NRG3: variants seen among roughly 807,000 people sequenced by gnomAD.
NRG3 encodes the protein pro-neuregulin-3, membrane-bound isoform.
NRG3 carries 31 observed loss-of-function variants against 66.9 expected under a neutral mutation model. That is an observed-to-expected ratio of 0.46 (90% CI 0.35 to 0.63). NRG3 has a LOEUF of 0.63. Among genes scored for constraint, NRG3 ranks in the 20% least tolerant of loss-of-function variants. NRG3 has a pLI of 0.00. For missense variants in NRG3, 910 were observed against 878.9 expected (o/e 1.04, Z -0.45); for synonymous variants, 393 against 359.4 (o/e 1.09, Z -1.06).
chr10:82,102,583 A>G (rs1390860822), intron 1 of NRG3, among the ~76,000 whole-genome samples: 3 of 151,504 alleles, frequency 2.0e-5, no homozygotes, highest in Admixed American at 2.0e-4. Flanking sequence ...TTTTATCATG[A>G]TATTTTAATT....
At chr10:82,132,343 G>T (rs2068887916) in intron 1 of NRG3, among the ~76,000 whole-genome samples, 1 of 149,840 alleles carries the variant, frequency 6.7e-6, no homozygotes, top group African/African-American at 2.4e-5. Context: ...CGTGTTGATT[G>T]ATTTGCATAT....
intron 3 of NRG3, among the ~76,000 whole-genome samples, chr10:82,760,367 A>G (rs2059255790): frequency 6.6e-6 from 1 of 152,208 alleles, no homozygotes; most frequent in Non-Finnish European, 1.5e-5. Context: ...TCTTCATAAG[A>G]GAATTGTCAG....
chr10:82,472,810 A>T (rs1841397802), intron 2 of NRG3, among the ~76,000 whole-genome samples: 1 of 152,146 alleles, frequency 6.6e-6, no homozygotes, highest in Non-Finnish European at 1.5e-5. Context: ...TTGTTGTTTT[A>T]TTATTTTGTT....
intron 3 of NRG3, among the ~76,000 whole-genome samples, chr10:82,822,156 C>T (rs2061979807): frequency 6.6e-6 from 1 of 152,116 alleles, no homozygotes; most frequent in Non-Finnish European, 1.5e-5. Context: ...GCAAACTGGA[C>T]TTATAATGAA....
intron 1 of NRG3, among the ~76,000 whole-genome samples, chr10:81,895,608 T>C (rs771649656): frequency 1.3e-5 from 2 of 152,230 alleles, no homozygotes; most frequent in Non-Finnish European, 2.9e-5. Flanking sequence ...AGTTATACTC[T>C]TAATGATGAG....
intron 4 of NRG3, among the ~76,000 whole-genome samples, chr10:82,923,243 T>G (rs529686460): frequency 6.6e-6 from 1 of 152,344 alleles, no homozygotes; most frequent in South Asian, 2.1e-4. Context: ...AGATGCTGTT[T>G]GCTGTGTCTG....
At chr10:82,555,147 A>G in intron 2 of NRG3, among the ~76,000 whole-genome samples, 1 of 152,206 alleles carries the variant, frequency 6.6e-6, no homozygotes, top group East Asian at 1.9e-4. Context: ...ACTATTACTC[A>G]TGAGAACAAA....
intron 2 of NRG3, among the ~76,000 whole-genome samples, chr10:82,387,020 G>A (rs1191412393): frequency 2.0e-5 from 3 of 152,242 alleles, no homozygotes; most frequent in Middle Eastern, 6.8e-3. Context: ...GGTTGGTCTC[G>A]AACTCCTGAC....
At chr10:82,807,822 A>G (rs1215906935) in intron 3 of NRG3, among the ~76,000 whole-genome samples, 3 of 152,202 alleles carry the variant, frequency 2.0e-5, no homozygotes, top group Non-Finnish European at 4.4e-5. Context: ...AGACAGTCAT[A>G]TGGCATACTT....
chr10:82,210,671 C>T, intron 1 of NRG3, among the ~76,000 whole-genome samples: 1 of 151,948 alleles, frequency 6.6e-6, no homozygotes, highest in East Asian at 1.9e-4. Flanking sequence ...AAAGAGGAAG[C>T]TAAATGGAGG....
chr10:82,542,535 T>C (rs888243173), intron 2 of NRG3, among the ~76,000 whole-genome samples: 1 of 152,220 alleles, frequency 6.6e-6, no homozygotes, highest in African/African-American at 2.4e-5. Flanking sequence ...CTGTAAAATA[T>C]TTATCAATCA....
chr10:82,950,032 GTAGCATCAGAAT>G (rs1849377169), intron 4 of NRG3, among the ~76,000 whole-genome samples: 3 of 152,074 alleles, frequency 2.0e-5, no homozygotes. Flanking sequence ...TCTCAGACCA[GTAGCATCAGAAT>G]CACCTGGGAA....
chr10:82,937,469 T>C (rs529165206), intron 4 of NRG3, among the ~76,000 whole-genome samples: 1 of 152,354 alleles, frequency 6.6e-6, no homozygotes, highest in African/African-American at 2.4e-5. Flanking sequence ...TTCAACGTGG[T>C]AGCCACAAAC....
intron 2 of NRG3, among the ~76,000 whole-genome samples, chr10:82,632,361 G>A (rs554529601): frequency 7.2e-4 from 109 of 152,280 alleles, no homozygotes; most frequent in African/African-American, 2.4e-3. Flanking sequence ...CCAGGCCCCT[G>A]ATATTACTTA....
chr10:82,200,874 C>T (rs771652006), intron 1 of NRG3, among the ~76,000 whole-genome samples: 76 of 152,004 alleles, frequency 5.0e-4, no homozygotes, highest in Admixed American at 2.0e-3. Flanking sequence ...TCACACTCAG[C>T]TACTCCAAGT....
At chr10:82,764,853 A>T (rs894016794) in intron 3 of NRG3, among the ~76,000 whole-genome samples, 1 of 151,884 alleles carries the variant, frequency 6.6e-6, no homozygotes, top group Non-Finnish European at 1.5e-5. Context: ...TGAGACAGAG[A>T]GAGCAACAGA....
intron 2 of NRG3, among the ~76,000 whole-genome samples, chr10:82,418,252 A>AT (rs1342211884): frequency 5.9e-5 from 9 of 152,118 alleles, no homozygotes; most frequent in Admixed American, 5.2e-4. Flanking sequence ...TGGGGATGGT[A>AT]TTTTTTGAAT....
intron 4 of NRG3, among the ~76,000 whole-genome samples, chr10:82,911,348 A>G (rs1654822352): frequency 6.6e-6 from 1 of 152,056 alleles, no homozygotes; most frequent in South Asian, 2.1e-4. Context: ...TGCCTTTGGC[A>G]TTATATCTAA....
chr10:82,916,113 T>C (rs1047307492), intron 4 of NRG3, among the ~76,000 whole-genome samples: 2 of 152,162 alleles, frequency 1.3e-5, no homozygotes, highest in Admixed American at 6.5e-5. Flanking sequence ...TGAATAGAAC[T>C]GTTATGACTT....
Sources: allele counts gnomAD v4.1 joint callset (sites outside exome capture counted in the v4.1 genomes callset), GRCh38; gene constraint gnomAD v4.1.1; transcripts MANE v1.5; gene names NCBI Gene and HGNC (gene_info 2026-07-23, HGNC 2026-07-21).